Variants in SBF2 observed in about 807,000 individuals in gnomAD.
The protein encoded by SBF2 is SET binding factor 2.
Under a neutral mutation model 225.2 loss-of-function variants are expected in SBF2, and 112 were observed. The observed-to-expected ratio is 0.50, with a 90% CI of 0.43 to 0.58. The LOEUF is 0.58. SBF2 is among the 20% of genes least tolerant of loss of function. The pLI is 0.00. For missense variants in SBF2, 1,996 were observed against 2,206.2 expected, an observed-to-expected ratio of 0.90 and a Z score of 1.91; for synonymous variants, 763 against 773.3, an observed-to-expected ratio of 0.99 and a Z score of 0.22.
rs114839239 is a variant in SBF2, at chr11:9,997,949, G to A, written c.975+317C>T. 3.4e-3 allele frequency among the ~76,000 whole-genome samples: 513 copies of A among 152,326 alleles called. 4 individuals are homozygous for A. Among genetic ancestry groups the A allele is most frequent in the African/African-American group, 0.011 (450 of 41,578 alleles). ...AGCCAACATCTAATGGGGGATCTTA[G>A]GGGAATCAGGGATTTCAAGGCAGAG... On this transcript the variant is annotated intron_variant, in intron 9 of 39. Transcript: ENST00000256190.
At chr11:10,145,336 G>A (rs1038557389) in intron 2 of SBF2, among the ~76,000 whole-genome samples, 2 of 152,000 alleles carry the variant, frequency 1.3e-5, no homozygotes, top group African/African-American at 4.8e-5. Context: ...GCAGGCTCAG[G>A]GATCTAAGTG....
intron 28 of SBF2, among the ~76,000 whole-genome samples, chr11:9,824,974 A>C (rs1854983421): frequency 6.6e-6 from 1 of 152,224 alleles, no homozygotes; most frequent in South Asian, 2.1e-4. Context: ...TCACTGAGAA[A>C]GAAATGATGA....
chr11:10,011,098 GAAAT>G (rs1040808167), intron 6 of SBF2, among the ~76,000 whole-genome samples: 3 of 151,992 alleles, frequency 2.0e-5, no homozygotes, highest in Admixed American at 1.3e-4. Flanking sequence ...ACTAAGAGAA[GAAAT>G]AAAAAAATAC....
intron 2 of SBF2, among the ~76,000 whole-genome samples, chr11:10,139,473 C>T (rs1384282720): frequency 1.3e-5 from 2 of 152,184 alleles, no homozygotes; most frequent in African/African-American, 4.8e-5. Flanking sequence ...AGCACCAGAA[C>T]ATAATACAGG....
chr11:9,965,938 T>C (rs1186158224), intron 14 of SBF2, among the ~76,000 whole-genome samples: 1 of 152,228 alleles, frequency 6.6e-6, no homozygotes, highest in African/African-American at 2.4e-5. Context: ...TATATTAGAA[T>C]AGAAAACTTA....
At chr11:10,161,617 C>A (rs1280150135) in intron 2 of SBF2, among the ~76,000 whole-genome samples, 2 of 152,160 alleles carry the variant, frequency 1.3e-5, no homozygotes, top group African/African-American at 2.4e-5. Flanking sequence ...TGTAGTCAGA[C>A]ATGGTTACAC....
intron 16 of SBF2, among the ~76,000 whole-genome samples, chr11:9,905,109 A>T (rs1862022107): frequency 6.6e-6 from 1 of 152,246 alleles, no homozygotes; most frequent in African/African-American, 2.4e-5. Context: ...CAATGCAATT[A>T]AGTTAGAAAT....
intron 2 of SBF2, among the ~76,000 whole-genome samples, chr11:10,068,707 C>T (rs1157373387): frequency 6.6e-6 from 1 of 152,014 alleles, no homozygotes; most frequent in African/African-American, 2.4e-5. Context: ...ATCATTATTA[C>T]TAATATTATT....
chr11:10,203,779 GA>G (rs1295129031), intron 1 of SBF2, among the ~76,000 whole-genome samples: 3 of 148,688 alleles, frequency 2.0e-5, no homozygotes, highest in African/African-American at 7.5e-5. Context: ...ACACTACAAG[GA>G]AAAAAAGGTT....
At chr11:10,179,387 CA>C (rs60430976) in intron 2 of SBF2, among the ~76,000 whole-genome samples, 13 of 121,874 alleles carry the variant, frequency 1.1e-4, no homozygotes, top group Middle Eastern at 8.3e-3. Context: ...AACAAAAAAA[CA>C]AAAAAAAACA....
At chr11:10,138,095 T>C (rs1954469558) in intron 2 of SBF2, among the ~76,000 whole-genome samples, 1 of 152,160 alleles carries the variant, frequency 6.6e-6, no homozygotes, top group African/African-American at 2.4e-5. Context: ...TTTAATATAA[T>C]TATCTGGTAA....
At chr11:9,854,442 T>C (rs1342436539) in intron 19 of SBF2, among the ~76,000 whole-genome samples, 1 of 152,200 alleles carries the variant, frequency 6.6e-6, no homozygotes, top group Non-Finnish European at 1.5e-5. Flanking sequence ...TCTGTTCCTA[T>C]TAACTTCTCT....
At chr11:10,189,775 C>T (rs1245534730) in intron 2 of SBF2, among the ~76,000 whole-genome samples, 1 of 152,190 alleles carries the variant, frequency 6.6e-6, no homozygotes, top group Non-Finnish European at 1.5e-5. Flanking sequence ...AACCTTAGTA[C>T]AGGCATGCCC....
In SBF2 at chr11:10,029,783, T is replaced by C; in HGVS notation, c.495A>G (p.Pro165=). The stretch of plus-strand genomic sequence containing the variant: ...TATTTACCTGAGACCCTCCAGCCGC[T>C]GGGACAAGGCAGGCACAAAGGTTTG... The part of the protein sequence containing the change: ...LIANLCACLV[P]AAGGSQKLFS... The change falls in exon 5 of 40, where the codon CCA becomes CCG. Residue 165 remains proline (P), a synonymous_variant. Transcript: ENST00000256190. 6.2e-7 allele frequency: 1 copy of C among 1,612,828 alleles called. No individual in the cohort carries two copies.
At chr11:9,883,426 A>C (rs1013166586) in intron 17 of SBF2, among the ~76,000 whole-genome samples, 1 of 152,098 alleles carries the variant, frequency 6.6e-6, no homozygotes, top group African/African-American at 2.4e-5. Context: ...CCCCCAAAAC[A>C]ACCATTTTAT....
At chr11:10,083,013 T>G (rs1315521585) in intron 2 of SBF2, among the ~76,000 whole-genome samples, 1 of 152,202 alleles carries the variant, frequency 6.6e-6, no homozygotes, top group African/African-American at 2.4e-5. Context: ...CTGTATTTGA[T>G]AAATGAATTC....
At chr11:10,300,222 G>A (rs1183531215) in intron 1 of SBF2, among the ~76,000 whole-genome samples, 2 of 152,208 alleles carry the variant, frequency 1.3e-5, no homozygotes, top group Non-Finnish European at 2.9e-5. Flanking sequence ...TCACTAGGCT[G>A]TAAGCTCGTT....
intron 2 of SBF2, among the ~76,000 whole-genome samples, chr11:10,167,342 G>A (rs775333834): frequency 5.4e-4 from 82 of 152,176 alleles, no homozygotes; most frequent in Admixed American, 9.2e-4. Flanking sequence ...GGTGGCTCAC[G>A]TCTGTAATCC....
intron 16 of SBF2, among the ~76,000 whole-genome samples, chr11:9,931,014 C>T (rs560930871): frequency 1.3e-5 from 2 of 152,382 alleles, no homozygotes; most frequent in East Asian, 3.9e-4. Context: ...GCACAGCAGT[C>T]TGAGATTGAA....
Sources: gnomAD v4.1 joint callset for allele counts (sites outside exome capture counted in the v4.1 genomes callset) on GRCh38, gnomAD v4.1.1 for gene constraint, MANE v1.5 for transcripts, NCBI Gene and HGNC (gene_info 2026-07-23, HGNC 2026-07-21) for gene names.